The following ANGPT1 variants were observed in gnomAD, a reference collection of about 807,000 sequenced individuals.
The protein encoded by ANGPT1 is angiopoietin 1.
ANGPT1 carries 17 observed loss-of-function variants against 62.2 expected under a neutral mutation model. The ratio of observed to expected loss-of-function variants is 0.27; its 90% CI spans 0.19 to 0.41. The LOEUF (loss-of-function observed/expected upper bound fraction) is 0.41, where lower values mean the gene tolerates loss of function less well. ANGPT1 is among the 10% of genes least tolerant of loss of function. The probability of loss-of-function intolerance (pLI) is 1.00; values close to 1 mark genes in which losing one functional copy is unlikely to be tolerated. For synonymous variants in ANGPT1, 199 were observed against 198.9 expected, an observed-to-expected ratio of 1.00 and a Z score of 0.00; for missense variants, 478 against 594.9, an observed-to-expected ratio of 0.80 and a Z score of 2.04.
At chr8:107,312,885 C>A (rs905402675) in intron 4 of ANGPT1, among the ~76,000 whole-genome samples, 1 of 152,054 alleles carries the variant, frequency 6.6e-6, no homozygotes, top group Non-Finnish European at 1.5e-5. Flanking sequence ...ATGGTATACA[C>A]CTGCTCCCAG....
chr8:107,311,125 T>C (rs1467880429), intron 4 of ANGPT1, among the ~76,000 whole-genome samples: 1 of 151,986 alleles, frequency 6.6e-6, no homozygotes, highest in South Asian at 2.1e-4. Context: ...TCTTCTAGTA[T>C]CAGGCATGGA....
chr8:107,444,399 A>G (rs1309255742), intron 1 of ANGPT1, among the ~76,000 whole-genome samples: 1 of 152,222 alleles, frequency 6.6e-6, no homozygotes, highest in Non-Finnish European at 1.5e-5. Flanking sequence ...GTAATAGATC[A>G]GCCTTCTTCT....
At chr8:107,422,491 C>G (rs1420203161) in intron 1 of ANGPT1, among the ~76,000 whole-genome samples, 1 of 152,190 alleles carries the variant, frequency 6.6e-6, no homozygotes, top group African/African-American at 2.4e-5. Flanking sequence ...ACCCATGATA[C>G]TTACCATGGC....
intron 1 of ANGPT1, among the ~76,000 whole-genome samples, chr8:107,356,371 T>C (rs1010951465): frequency 2.0e-5 from 3 of 152,200 alleles, no homozygotes; most frequent in East Asian, 1.9e-4. Flanking sequence ...GCTTATAACA[T>C]AAGCATGCTA....
At chr8:107,392,108 G>A (rs935764909) in intron 1 of ANGPT1, among the ~76,000 whole-genome samples, 2 of 152,068 alleles carry the variant, frequency 1.3e-5, no homozygotes, top group African/African-American at 2.4e-5. Context: ...CCTGGTATGC[G>A]AAATCCCATA....
rs536890193 is a variant in ANGPT1, at chr8:107,469,566, C to G, written c.297+27696G>C. 1.6e-4 allele frequency among the ~76,000 whole-genome samples: 25 copies of G among 152,044 alleles called. No individual in the cohort carries two copies. In the South Asian group the frequency reaches 5.2e-3, roughly 32 times the overall value. ...GCTCTATGACAGGCTTTGTTATATACAAAGAAAGCATTTGCAGAAAAGTCC... is the reference window on the plus strand; with the variant it reads ...GCTCTATGACAGGCTTTGTTATATAGAAAGAAAGCATTTGCAGAAAAGTCC... On this transcript the variant is annotated intron_variant, in intron 1 of 8. Transcript: ENST00000517746.
At chr8:107,265,512 C>T (rs1407052637) in intron 7 of ANGPT1, among the ~76,000 whole-genome samples, 2 of 152,178 alleles carry the variant, frequency 1.3e-5, no homozygotes, top group African/African-American at 4.8e-5. Context: ...CTGAAGTTGT[C>T]GTATCGACAG....
chr8:107,287,835 C>T (rs1026754497), intron 6 of ANGPT1, among the ~76,000 whole-genome samples: 1 of 152,156 alleles, frequency 6.6e-6, no homozygotes, highest in Admixed American at 6.6e-5. Flanking sequence ...ACAGGGATTA[C>T]AGACATCATT....
At chr8:107,281,773 C>A (rs553218244) in intron 7 of ANGPT1, among the ~76,000 whole-genome samples, 3 of 151,984 alleles carry the variant, frequency 2.0e-5, no homozygotes, top group African/African-American at 7.2e-5. Context: ...AGTGAGACTC[C>A]GTCTCAAAAA....
At chr8:107,381,168 G>T (rs1429531621) in intron 1 of ANGPT1, among the ~76,000 whole-genome samples, 1 of 152,162 alleles carries the variant, frequency 6.6e-6, no homozygotes, top group Admixed American at 6.5e-5. Flanking sequence ...TTCTTCAAAT[G>T]GCTGTGGTAA....
chr8:107,337,352 A>G (rs376025137), intron 2 of ANGPT1, among the ~76,000 whole-genome samples: 89 of 152,306 alleles, frequency 5.8e-4, no homozygotes, highest in African/African-American at 2.0e-3. Context: ...GTGGTCCTCT[A>G]GAAACTGTGA....
At chr8:107,370,736 G>A (rs1234037888) in intron 1 of ANGPT1, among the ~76,000 whole-genome samples, 2 of 139,498 alleles carry the variant, frequency 1.4e-5, no homozygotes, top group Admixed American at 7.2e-5. Flanking sequence ...GAAGAAGAAA[G>A]GAAGGAAGAA....
intron 1 of ANGPT1, among the ~76,000 whole-genome samples, chr8:107,460,574 T>A: frequency 6.6e-6 from 1 of 152,282 alleles, no homozygotes; most frequent in East Asian, 1.9e-4. Context: ...CTCTGATCTG[T>A]GTAAATCCCT....
chr8:107,389,064 A>G lies in ANGPT1; in HGVS notation c.298-41967T>C, dbSNP rs2130297668. Reference sequence around the variant, plus strand: ...TGGAGCAAATGGACCCAATATTTCAATTCTACATCCTTTATAGCCATGATG... The same window carrying G: ...TGGAGCAAATGGACCCAATATTTCAGTTCTACATCCTTTATAGCCATGATG... On this transcript the variant is annotated intron_variant, in intron 1 of 8. Transcript: ENST00000517746. Among the ~76,000 whole-genome samples the G allele has an allele frequency of 2.0e-5, 3 of 152,268 alleles. 1 individual carries two copies. In the South Asian group the frequency reaches 6.2e-4, roughly 32 times the overall value.
chr8:107,452,682 T>A (rs969492095), intron 1 of ANGPT1, among the ~76,000 whole-genome samples: 1 of 151,916 alleles, frequency 6.6e-6, no homozygotes, highest in Non-Finnish European at 1.5e-5. Context: ...TAAAAAATAC[T>A]TATATTTCCA....
intron 4 of ANGPT1, 49 bp from the exon 5 acceptor site, chr8:107,303,416 A>G: frequency 2.0e-6 from 3 of 1,500,596 alleles, no homozygotes; most frequent in Non-Finnish European, 2.7e-6. Flanking sequence ...CAGTACCATT[A>G]GTAGCCAAAC....
chr8:107,488,487 G>A (rs200302193), intron 1 of ANGPT1, among the ~76,000 whole-genome samples: 200 of 152,010 alleles, frequency 1.3e-3, no homozygotes, highest in Non-Finnish European at 2.0e-3. Flanking sequence ...AAACTTCTGC[G>A]GAATAATTCA....
chr8:107,398,057 G>A (rs961889951), intron 1 of ANGPT1, among the ~76,000 whole-genome samples: 9 of 152,182 alleles, frequency 5.9e-5, no homozygotes, highest in African/African-American at 2.2e-4. Context: ...GCTCCCAGGT[G>A]CTGACAATAA....
At chr8:107,277,715 T>C (rs1030212664) in intron 7 of ANGPT1, among the ~76,000 whole-genome samples, 1 of 152,230 alleles carries the variant, frequency 6.6e-6, no homozygotes, top group African/African-American at 2.4e-5. Context: ...ATTTATTTAG[T>C]ATTCTTCTCA....
Sources: allele counts gnomAD v4.1 joint callset (sites outside exome capture counted in the v4.1 genomes callset), GRCh38; gene constraint gnomAD v4.1.1; transcripts MANE v1.5; gene names NCBI Gene and HGNC (gene_info 2026-07-23, HGNC 2026-07-21).